ELAPOR2: variants seen among roughly 807,000 people sequenced by gnomAD.
ELAPOR2 encodes the protein endosome-lysosome associated apoptosis and autophagy regulator family member 2.
In ELAPOR2, 89 loss-of-function variants were observed where a neutral mutation model predicts 120.7. That is an observed-to-expected ratio of 0.74 (90% CI 0.62 to 0.88). The LOEUF is 0.88. Among genes scored for constraint, ELAPOR2 ranks in the 40% least tolerant of loss-of-function variants. The pLI is 0.00. For missense variants in ELAPOR2, 1,134 were observed against 1,251.6 expected (o/e 0.91, Z 1.42); for synonymous variants, 444 against 444.9 (o/e 1.00, Z 0.03).
chr7:86,966,894 C>T lies in ELAPOR2; in HGVS notation c.190-1870G>A, dbSNP rs569824356. 2.6e-5 allele frequency among the ~76,000 whole-genome samples: 4 copies of T among 152,242 alleles called. No individual in the cohort carries two copies. The South Asian group carries it at 8.3e-4, about 32-fold the overall frequency. On this transcript the variant is annotated intron_variant, in intron 1 of 21. Coordinates refer to ENST00000450689, the MANE Select transcript of ELAPOR2 (RefSeq NM_001142749.3). ...AGTCTCTGCCTCTGTGGTACCATTG[C>T]CTTCTCCTCCTCTTGTGATAGCATT...
At chr7:87,039,473 A>G (rs1287621481) in intron 1 of ELAPOR2, among the ~76,000 whole-genome samples, 1 of 152,204 alleles carries the variant, frequency 6.6e-6, no homozygotes, top group African/African-American at 2.4e-5. Flanking sequence ...CTACAGGCCA[A>G]TATCTCTGAC....
intron 1 of ELAPOR2, among the ~76,000 whole-genome samples, chr7:86,968,598 C>T (rs990082699): frequency 1.3e-5 from 2 of 152,134 alleles, no homozygotes; most frequent in Non-Finnish European, 2.9e-5. Flanking sequence ...AGTCCAAAGA[C>T]AATGAAAGGT....
At chr7:86,930,655 A>G (rs973380356) in intron 8 of ELAPOR2, among the ~76,000 whole-genome samples, 2 of 151,962 alleles carry the variant, frequency 1.3e-5, no homozygotes, top group African/African-American at 4.8e-5. Context: ...AAGAAGTTGT[A>G]TAGCCTAATG....
intron 18 of ELAPOR2, among the ~76,000 whole-genome samples, chr7:86,900,119 C>T (rs994993597): frequency 2.0e-5 from 3 of 151,978 alleles, no homozygotes; most frequent in Admixed American, 1.3e-4. Flanking sequence ...AATTATCCTA[C>T]ATTTTGTTTT....
At chr7:86,945,722 G>A (rs974093596) in intron 3 of ELAPOR2, among the ~76,000 whole-genome samples, 2 of 152,048 alleles carry the variant, frequency 1.3e-5, no homozygotes, top group African/African-American at 2.4e-5. Flanking sequence ...GTTACCATAA[G>A]GATGCATACA....
intron 12 of ELAPOR2, among the ~76,000 whole-genome samples, chr7:86,915,513 T>G (rs1789530452): frequency 6.6e-6 from 1 of 152,004 alleles, no homozygotes; most frequent in African/African-American, 2.4e-5. Context: ...ATATTCCAAC[T>G]GATATGCTGT....
chr7:86,974,808 A>G (rs572245799), intron 1 of ELAPOR2, among the ~76,000 whole-genome samples: 1 of 152,236 alleles, frequency 6.6e-6, no homozygotes, highest in Non-Finnish European at 1.5e-5. Flanking sequence ...ATTTCTCCTT[A>G]CTTTAGGATA....
intron 4 of ELAPOR2, among the ~76,000 whole-genome samples, chr7:86,944,681 T>C (rs987137646): frequency 2.6e-5 from 4 of 152,046 alleles, no homozygotes; most frequent in Non-Finnish European, 5.9e-5. Context: ...AATGTTATGC[T>C]GCAAGGTGAG....
intron 1 of ELAPOR2, among the ~76,000 whole-genome samples, chr7:87,026,696 T>G (rs1229061054): frequency 1.3e-5 from 2 of 152,150 alleles, no homozygotes; most frequent in Admixed American, 1.3e-4. Flanking sequence ...TTTACATTAT[T>G]TCTTATTGCA....
chr7:87,011,063 C>G (rs187469065), intron 1 of ELAPOR2, among the ~76,000 whole-genome samples: 3 of 151,632 alleles, frequency 2.0e-5, no homozygotes, highest in African/African-American at 7.3e-5. Flanking sequence ...GTCAAGAGAT[C>G]GAGACCATCC....
intron 1 of ELAPOR2, among the ~76,000 whole-genome samples, chr7:87,025,457 C>A (rs1794212349): frequency 6.6e-6 from 1 of 152,032 alleles, no homozygotes; most frequent in African/African-American, 2.4e-5. Context: ...TCTTTCTTTG[C>A]CAAATGAGAA....
chr7:87,055,437 G>T (rs1795231784), intron 1 of ELAPOR2, among the ~76,000 whole-genome samples: 2 of 152,164 alleles, frequency 1.3e-5, no homozygotes, highest in African/African-American at 4.8e-5. Context: ...ATAGGCTCCT[G>T]CCTGCCTGTC....
At chr7:86,988,680 CAA>C (rs1369065523) in intron 1 of ELAPOR2, among the ~76,000 whole-genome samples, 6 of 152,156 alleles carry the variant, frequency 3.9e-5, no homozygotes, top group Non-Finnish European at 8.8e-5. Context: ...AGACAGTTTT[CAA>C]AAAGTATGTG....
rs973445993 is a variant in ELAPOR2, at chr7:86,982,830, A to G, written c.190-17806T>C. Among the ~76,000 whole-genome samples the G allele has an allele frequency of 2.0e-5, 3 of 152,334 alleles. No individual in the cohort carries two copies. In the South Asian group the frequency reaches 6.2e-4, roughly 32 times the overall value. ...AGCAACAGAATAAATCTGGAGGGAG[A>G]CTGACTTTGACAAGCTGACAGAAGT... On this transcript the variant is annotated intron_variant, in intron 1 of 21. Coordinates refer to ENST00000450689, the MANE Select transcript of ELAPOR2 (RefSeq NM_001142749.3).
At chr7:86,913,418 C>G (rs1485467162) in intron 13 of ELAPOR2, among the ~76,000 whole-genome samples, 1 of 152,088 alleles carries the variant, frequency 6.6e-6, no homozygotes, top group Admixed American at 6.6e-5. Flanking sequence ...TAATATAGTT[C>G]CAGGAGTTTT....
At chr7:87,023,253 G>A (rs990751476) in intron 1 of ELAPOR2, among the ~76,000 whole-genome samples, 3 of 152,194 alleles carry the variant, frequency 2.0e-5, no homozygotes, top group South Asian at 2.1e-4. Flanking sequence ...AAGGTGTAAG[G>A]AAAGGATCCA....
chr7:86,909,861 G>C lies in ELAPOR2; in HGVS notation c.2310C>G (p.Phe770Leu). 2 of 1,613,190 alleles carry C rather than the reference G, an allele frequency of 1.2e-6. No individual in the cohort carries two copies. Among genetic ancestry groups the C allele is most frequent in the Non-Finnish European group, 1.7e-6 (2 of 1,179,512 alleles). Residue 770 changes from phenylalanine (F) to leucine (L), a missense_variant, in exon 16 of 22, where the codon TTC becomes TTG. Phe to Leu is a conservative substitution (Grantham distance 22). Transcript: ENST00000450689. ...STIIPSESKG[F>L]RAALSSQSII... ...TGGATTGTGATGATAAGGCTGCTCG[G>C]AAACCCTTACTTTCAGAAGGAATAA...
At chr7:86,976,108 G>T (rs1319043982) in intron 1 of ELAPOR2, among the ~76,000 whole-genome samples, 1 of 152,206 alleles carries the variant, frequency 6.6e-6, no homozygotes, top group East Asian at 1.9e-4. Context: ...GAACAGCACT[G>T]ATTCCACAAC....
intron 1 of ELAPOR2, among the ~76,000 whole-genome samples, chr7:87,002,935 C>A (rs143607789): frequency 6.6e-6 from 1 of 152,076 alleles, no homozygotes; most frequent in Non-Finnish European, 1.5e-5. Flanking sequence ...CTAGACATTC[C>A]CTGGCTTTAG....
Sources: gnomAD v4.1 joint callset for allele counts (sites outside exome capture counted in the v4.1 genomes callset) on GRCh38, gnomAD v4.1.1 for gene constraint, MANE v1.5 for transcripts, NCBI Gene and HGNC (gene_info 2026-07-23, HGNC 2026-07-21) for gene names.